The following NAV2 variants were observed in gnomAD, a reference collection of about 807,000 sequenced individuals.
NAV2 encodes the protein helicase, APC down-regulated 1.
A neutral mutation model predicts 223.2 loss-of-function variants in NAV2; 54 were observed. The observed-to-expected ratio is 0.24, with a 90% confidence interval of 0.19 to 0.30. NAV2 has a LOEUF of 0.30. NAV2 is among the 10% of genes least tolerant of loss of function. The pLI is 1.00. For missense variants in NAV2, 2,806 were observed against 3,147.5 expected (o/e 0.89, Z 2.60); for synonymous variants, 1,279 against 1,239.3 (o/e 1.03, Z -0.67).
chr11:19,678,319 G>T (rs945051247), intron 1 of NAV2, among the ~76,000 whole-genome samples: 1 of 152,152 alleles, frequency 6.6e-6, no homozygotes, highest in Non-Finnish European at 1.5e-5. Context: ...GAAATGAAAC[G>T]TAGAAAGATT....
At chr11:19,776,676 G>GTGTGTGT (rs61624701) in intron 1 of NAV2, among the ~76,000 whole-genome samples, 2 of 147,770 alleles carry the variant, frequency 1.4e-5, no homozygotes, top group Non-Finnish European at 3.0e-5. Context: ...GTGTGTGTGT[G>GTGTGTGT]GTTAGAGTTG....
chr11:19,783,651 C>G (rs1223813295), intron 1 of NAV2, among the ~76,000 whole-genome samples: 1 of 152,192 alleles, frequency 6.6e-6, no homozygotes, highest in Admixed American at 6.5e-5. Flanking sequence ...AACCCCCCTT[C>G]CCTCCTAGCT....
At chr11:19,776,999 A>T (rs2056280798) in intron 1 of NAV2, among the ~76,000 whole-genome samples, 2 of 150,068 alleles carry the variant, frequency 1.3e-5, no homozygotes. Flanking sequence ...CTTCGCGCCC[A>T]CCGGCGGCAG....
At chr11:19,851,733 C>T (rs1457214514) in intron 3 of NAV2, among the ~76,000 whole-genome samples, 1 of 152,216 alleles carries the variant, frequency 6.6e-6, no homozygotes, top group African/African-American at 2.4e-5. Context: ...GGTAGCTGAA[C>T]AGTGTCAACC....
At chr11:19,751,014 T>G (rs1323721208) in intron 1 of NAV2, among the ~76,000 whole-genome samples, 1 of 152,196 alleles carries the variant, frequency 6.6e-6, no homozygotes, top group Non-Finnish European at 1.5e-5. Flanking sequence ...TGAGAGCCAG[T>G]TGTGTGCATC....
chr11:19,938,620 G>T (rs2046129915), intron 7 of NAV2, among the ~76,000 whole-genome samples: 1 of 152,216 alleles, frequency 6.6e-6, no homozygotes, highest in Non-Finnish European at 1.5e-5. Flanking sequence ...TCCACACCGG[G>T]CTGCCATTTG....
rs58897407 is a variant in NAV2 at position 19,495,967 on chromosome 11, G to T, written c.75+144940G>T. Among the ~76,000 whole-genome samples, 207 of 152,254 alleles carry T rather than the reference G, an allele frequency of 1.4e-3. 2 individuals are homozygous for T. Among genetic ancestry groups the T allele is most frequent in the African/African-American group, 4.8e-3 (199 of 41,550 alleles). ...GCAGGTCTAAGGGAGGCTAATGTTG[G>T]ATTTGGGGATCACATCATCCCACCT... On this transcript the variant is annotated intron_variant, in intron 1 of 37. Transcript: ENST00000360655.
rs1411212996 is a variant in NAV2, at chr11:20,054,174, T to C, written c.4576T>C (p.Ser1526Pro). 5 of 1,613,504 alleles carry C rather than the reference T, an allele frequency of 3.1e-6. No homozygotes were observed. The highest frequency in any genetic ancestry group is 4.2e-6 in the Non-Finnish European group (5 of 1,179,900). ...AGGLQDTAANSPFSSGSSVTS... is the reference protein window; with the variant it reads ...AGGLQDTAANPPFSSGSSVTS... The stretch of plus-strand genomic sequence containing the variant: ...AGGCCTTCAGGACACCGCTGCCAAT[T>C]CCCCCTTTTCCTCTGGCTCCAGCGT... Residue 1526 changes from serine (S) to proline (P), a missense_variant, in exon 18 of 38, where the codon TCC (serine) becomes CCC (proline). Transcript: ENST00000349880.
chr11:19,896,134 CT>C (rs1489494099), intron 6 of NAV2, among the ~76,000 whole-genome samples: 1 of 152,186 alleles, frequency 6.6e-6, no homozygotes, highest in African/African-American at 2.4e-5. Flanking sequence ...TGGCATTGCA[CT>C]CTCAGGTGAG....
chr11:20,039,754 A>G (rs1349298453), intron 12 of NAV2, among the ~76,000 whole-genome samples: 1 of 152,226 alleles, frequency 6.6e-6, no homozygotes, highest in Non-Finnish European at 1.5e-5. Context: ...ATTTCCTCTC[A>G]TTTTCAATGC....
chr11:20,097,269 G>A (rs981841657), intron 30 of NAV2, among the ~76,000 whole-genome samples: 2 of 152,020 alleles, frequency 1.3e-5, no homozygotes, highest in East Asian at 1.9e-4. Flanking sequence ...GACTTCAGCC[G>A]AACTTAGGAA....
intron 1 of NAV2, among the ~76,000 whole-genome samples, chr11:19,739,305 C>G (rs2052596809): frequency 6.6e-6 from 1 of 152,222 alleles, no homozygotes; most frequent in African/African-American, 2.4e-5. Flanking sequence ...GTGTTACTCT[C>G]TTCATATTCT....
chr11:20,087,064 C>G (rs1221002367), intron 26 of NAV2, among the ~76,000 whole-genome samples: 4 of 152,236 alleles, frequency 2.6e-5, no homozygotes, highest in Non-Finnish European at 5.9e-5. Context: ...AGCTCTGGTG[C>G]ACTCTGATAT....
intron 16 of NAV2, 122 bp downstream of exon 16, chr11:20,050,023 G>A (rs866197119): frequency 1.2e-6 from 1 of 823,414 alleles, no homozygotes; most frequent in Non-Finnish European, 2.1e-6. Flanking sequence ...TGTGGCTCTA[G>A]TGTACTCTGT....
chr11:19,645,109 G>A (rs769198804), intron 1 of NAV2, among the ~76,000 whole-genome samples: 9 of 152,194 alleles, frequency 5.9e-5, no homozygotes, highest in African/African-American at 9.7e-5. Flanking sequence ...TCACCAGGCC[G>A]AAATCAAGGT....
intron 1 of NAV2, among the ~76,000 whole-genome samples, chr11:19,490,045 A>G (rs1283388609): frequency 6.6e-6 from 1 of 152,220 alleles, no homozygotes; most frequent in Non-Finnish European, 1.5e-5. Flanking sequence ...ATGCTATATT[A>G]TAGTCTATTA....
rs201842296 is a variant in NAV2, at chr11:20,004,803, A to T, written c.2768+20556A>T. Among the ~76,000 whole-genome samples, 8 of 152,302 alleles carry T rather than the reference A, an allele frequency of 5.3e-5. No individual in the cohort carries two copies. In the East Asian group the frequency reaches 1.5e-3, roughly 29 times the overall value. On this transcript the variant is annotated intron_variant, in intron 11 of 37. Transcript: ENST00000349880. ...AGGGAGTCAGGGTTTCTCGTCTGCCATTCCTTTTTTCCAATCCTTCTTTTG... is the reference window on the plus strand; with the variant it reads ...AGGGAGTCAGGGTTTCTCGTCTGCCTTTCCTTTTTTCCAATCCTTCTTTTG...
chr11:19,348,379 G>A (rs1186939387), upstream of NAV2, among the ~76,000 whole-genome samples: 3 of 152,136 alleles, frequency 2.0e-5, no homozygotes, highest in African/African-American at 7.2e-5. Context: ...GAAAAGTGTA[G>A]ATTCTGAACT....
chr11:19,478,529 T>C (rs921634152), intron 1 of NAV2, among the ~76,000 whole-genome samples: 14 of 152,204 alleles, frequency 9.2e-5, no homozygotes, highest in African/African-American at 3.1e-4. Context: ...TATTAGCTAA[T>C]TAATTAATTC....
Sources: allele counts gnomAD v4.1 joint callset (sites outside exome capture counted in the v4.1 genomes callset), GRCh38; gene constraint gnomAD v4.1.1; transcripts MANE v1.5; gene names NCBI Gene and HGNC (gene_info 2026-07-23, HGNC 2026-07-21).